The following PKN2 variants were observed in gnomAD, a reference collection of about 807,000 sequenced individuals.
The protein encoded by PKN2 is serine/threonine-protein kinase N2.
In PKN2, 38 loss-of-function variants were observed where a neutral mutation model predicts 119.1. The ratio of observed to expected loss-of-function variants is 0.32; its 90% CI spans 0.25 to 0.42. PKN2 has a LOEUF of 0.42. Ranked by LOEUF, PKN2 falls within the 10% of genes least tolerant of loss-of-function variation. The pLI is 1.00. For missense variants in PKN2, 850 were observed against 1,165.1 expected (o/e 0.73, Z 3.94); for synonymous variants, 390 against 384.9 (o/e 1.01, Z -0.15).
chr1:88,741,320 G>T (rs768373431), intron 2 of PKN2, 32 bp downstream of exon 2: 2 of 1,283,682 alleles, frequency 1.6e-6, no homozygotes, highest in South Asian at 1.8e-5. Flanking sequence ...TGTTTATATG[G>T]TATATTAATA....
intron 1 of PKN2, among the ~76,000 whole-genome samples, chr1:88,692,234 G>A (rs1570480863): frequency 6.6e-6 from 1 of 151,114 alleles, no homozygotes; most frequent in East Asian, 2.0e-4. Context: ...ACTCTACTTT[G>A]GTGGATATTT....
chr1:88,716,146 T>C (rs1308839425), intron 1 of PKN2, among the ~76,000 whole-genome samples: 1 of 152,254 alleles, frequency 6.6e-6, no homozygotes, highest in Non-Finnish European at 1.5e-5. Context: ...GATTGCACTG[T>C]GGTCTGAAAG....
At chr1:88,742,981 A>G (rs1668634821) in intron 2 of PKN2, among the ~76,000 whole-genome samples, 1 of 152,192 alleles carries the variant, frequency 6.6e-6, no homozygotes, top group African/African-American at 2.4e-5. Flanking sequence ...ACTTGAGGCC[A>G]GGAGTTCAAG....
At chr1:88,824,496 C>T in intron 18 of PKN2, 110 bp downstream of exon 18, 1 of 659,154 alleles carries the variant, frequency 1.5e-6, no homozygotes, top group South Asian at 1.8e-5. Flanking sequence ...TAACTTTATT[C>T]TTCATTAAGA....
chr1:88,697,168 TTATTGAATAATA>T (rs1286095732), intron 1 of PKN2, among the ~76,000 whole-genome samples: 2 of 152,206 alleles, frequency 1.3e-5, no homozygotes, highest in East Asian at 3.8e-4. Flanking sequence ...ACAGCTCCTG[TTATTGAATAATA>T]TATCACTTAA....
intron 1 of PKN2, among the ~76,000 whole-genome samples, chr1:88,738,568 G>T (rs1209086707): frequency 6.6e-6 from 1 of 152,206 alleles, no homozygotes; most frequent in Non-Finnish European, 1.5e-5. Context: ...GGAAAGAAAT[G>T]GGAGTTGAGG....
rs767989088 is a variant in PKN2, at chr1:88,771,832, C to T, written c.938C>T (p.Ser313Phe). 2 of 1,613,946 alleles carry T rather than the reference C, an allele frequency of 1.2e-6. No individual in the cohort carries two copies. ...PTLSPRQSMI[S>F]TQNQYSTLSK... ...CTAAGTCCACGTCAAAGTATGATAT[C>T]TACGCAAAATCAATATAGTACACTA... Residue 313 changes from serine to phenylalanine, a missense_variant, in exon 6 of 22, where the codon TCT becomes TTT. Coordinates refer to ENST00000370521, the MANE Select transcript of PKN2 (RefSeq NM_006256.4).
intron 16 of PKN2, among the ~76,000 whole-genome samples, chr1:88,815,133 G>A (rs944619872): frequency 2.0e-5 from 3 of 152,128 alleles, no homozygotes; most frequent in Non-Finnish European, 2.9e-5. Context: ...ATGCTGCCAT[G>A]GGAATTTGTT....
chr1:88,711,740 TAGAG>T (rs1166266016), intron 1 of PKN2, among the ~76,000 whole-genome samples: 2 of 152,194 alleles, frequency 1.3e-5, no homozygotes, highest in African/African-American at 2.4e-5. Context: ...GTTCAATAAG[TAGAG>T]AGGTGAAATC....
intron 8 of PKN2, among the ~76,000 whole-genome samples, chr1:88,803,090 C>T (rs1671388438): frequency 6.6e-6 from 1 of 152,130 alleles, no homozygotes; most frequent in African/African-American, 2.4e-5. Flanking sequence ...TTATATTCTC[C>T]TCATACTTCT....
chr1:88,798,988 T>C (rs994474252), intron 8 of PKN2, among the ~76,000 whole-genome samples: 1 of 150,778 alleles, frequency 6.6e-6, no homozygotes, highest in South Asian at 2.1e-4. Context: ...AAATCTTATG[T>C]AACAATATAG....
chr1:88,788,508 C>T (rs1300293805), intron 8 of PKN2, among the ~76,000 whole-genome samples: 1 of 151,830 alleles, frequency 6.6e-6, no homozygotes, highest in Non-Finnish European at 1.5e-5. Flanking sequence ...TGCAATGGCA[C>T]AATCTCGGCT....
Position 88,805,588 on chromosome 1 carries a change from T to A in PKN2, c.1593T>A (p.Ser531=). Residue 531 remains serine (S), a synonymous_variant, in exon 11 of 22, where the codon TCT becomes TCA. Transcript: ENST00000370521. ...GAGCTATTCCTACAGTAAATCATTC[T>A]GGCACCTTCAGCCCTCAAGCTCCTG... ...VRRAIPTVNH[S]GTFSPQAPVP... The A allele has an allele frequency of 6.2e-7, 1 of 1,614,144 alleles. No individual in the cohort carries two copies. The highest frequency in any genetic ancestry group is 1.3e-5 in the African/African-American group (1 of 75,062).
chr1:88,700,507 G>A (rs1250918115), intron 1 of PKN2, among the ~76,000 whole-genome samples: 4 of 152,116 alleles, frequency 2.6e-5, no homozygotes, highest in Admixed American at 1.3e-4. Context: ...ATACCCAAAA[G>A]TAAGGAGTAC....
chr1:88,828,228 G>A (rs1220750986), intron 18 of PKN2, among the ~76,000 whole-genome samples: 3 of 152,100 alleles, frequency 2.0e-5, no homozygotes, highest in Admixed American at 2.0e-4. Flanking sequence ...GTAATGACAA[G>A]AAGAAAAAGT....
chr1:88,833,325 T>C lies in PKN2; in HGVS notation c.2832T>C (p.Ser944=), dbSNP rs1570701356. The change falls in exon 22 of 22, where the codon AGT becomes AGC. Residue 944 remains serine, a synonymous_variant. Transcript: ENST00000370521. The part of the protein sequence containing the change: ...IPTIRGREDV[S]NFDDEFTSEA... ...CCATAAGAGGACGAGAAGATGTTAG[T>C]AATTTTGATGATGAATTTACCTCAG... The C allele has an allele frequency of 1.9e-6, 3 of 1,613,448 alleles. No individual in the cohort carries two copies. In the East Asian group the frequency reaches 6.7e-5, roughly 36 times the overall value.
intron 3 of PKN2, among the ~76,000 whole-genome samples, chr1:88,766,658 T>C (rs1669679975): frequency 6.6e-6 from 1 of 152,166 alleles, no homozygotes; most frequent in African/African-American, 2.4e-5. Flanking sequence ...ACCTAAGGTA[T>C]GTAAAAACTT....
intron 1 of PKN2, among the ~76,000 whole-genome samples, chr1:88,726,966 T>C (rs1667922274): frequency 1.3e-5 from 2 of 152,172 alleles, no homozygotes; most frequent in African/African-American, 4.8e-5. Context: ...CCCTTTTTGA[T>C]GGTAGTGTTC....
At chr1:88,733,235 T>G (rs1266992794) in intron 1 of PKN2, among the ~76,000 whole-genome samples, 2 of 152,180 alleles carry the variant, frequency 1.3e-5, no homozygotes, top group African/African-American at 4.8e-5. Context: ...GATCATGTGG[T>G]AGTTCTGTTT....
Sources: gnomAD v4.1 joint callset for allele counts (sites outside exome capture counted in the v4.1 genomes callset) on GRCh38, gnomAD v4.1.1 for gene constraint, MANE v1.5 for transcripts, NCBI Gene and HGNC (gene_info 2026-07-23, HGNC 2026-07-21) for gene names.